The following RB1CC1 variants were observed in gnomAD, a reference collection of about 807,000 sequenced individuals.
RB1CC1 encodes RB1 inducible coiled-coil 1.
In RB1CC1, 46 loss-of-function variants were observed where a neutral mutation model predicts 177.5. That is an observed-to-expected ratio of 0.26 (90% CI 0.20 to 0.33). RB1CC1 has a LOEUF of 0.33. Among genes scored for constraint, RB1CC1 ranks in the 10% least tolerant of loss-of-function variants. The pLI is 1.00. For missense variants in RB1CC1, 1,703 were observed against 1,816.3 expected (o/e 0.94, Z 1.13); for synonymous variants, 666 against 613.6 (o/e 1.09, Z -1.26).
intron 1 of RB1CC1, among the ~76,000 whole-genome samples, chr8:52,698,768 G>A (rs1855724550): frequency 8.5e-6 from 1 of 117,754 alleles, no homozygotes; most frequent in South Asian, 3.0e-4. Flanking sequence ...GGAGTGAACT[G>A]CAACCTCCCC....
chr8:52,642,667 T>TA (rs1849685651), intron 17 of RB1CC1, 37 bp downstream of exon 17: 1 of 1,570,858 alleles, frequency 6.4e-7, no homozygotes, highest in Non-Finnish European at 8.6e-7. Context: ...TTTTCCACTT[T>TA]AAAAAATTAA....
chr8:52,657,101 C>A lies in RB1CC1; in HGVS notation c.2728G>T (p.Asp910Tyr). 6.2e-7 allele frequency: 1 copy of A among 1,610,446 alleles called. No individual in the cohort carries two copies. Among genetic ancestry groups the A allele is most frequent in the Non-Finnish European group, 8.5e-7 (1 of 1,178,896 alleles). Reference protein sequence around the residue: ...VCLEEVLQNKDNEFALVKHEK... With the variant: ...VCLEEVLQNKYNEFALVKHEK... ...TGTTTAACCAAAGCAAATTCATTAT[C>A]TTTATTTTGTAAAACCTCCTCAAGG... The change falls in exon 15 of 24, where the codon GAT (aspartate) becomes TAT (tyrosine). Residue 910 changes from aspartate to tyrosine, a missense_variant. By Grantham distance (160) the Asp-to-Tyr change is radical. Coordinates refer to ENST00000025008, the MANE Select transcript of RB1CC1 (RefSeq NM_014781.5).
chr8:52,650,894 T>G (rs1478746394), intron 15 of RB1CC1, among the ~76,000 whole-genome samples: 1 of 152,200 alleles, frequency 6.6e-6, no homozygotes, highest in East Asian at 1.9e-4. Flanking sequence ...CTACCTTGTC[T>G]GAGGAAATCA....
Position 52,699,856 on chromosome 8 carries a change from TATAC to T in RB1CC1, c.-166-12893_-166-12890del, listed in dbSNP as rs1241258803. On this transcript the variant is annotated intron_variant, in intron 1 of 23. Transcript: ENST00000025008. Reference sequence around the variant, plus strand: ...ATATATATATATATATATATATATATATACACACAAAAACAAAAGAAAGCTTATA... The same window carrying T: ...ATATATATATATATATATATATATATACACAAAAACAAAAGAAAGCTTATA... Among the ~76,000 whole-genome samples the T allele has an allele frequency of 3.5e-5, 3 of 86,942 alleles. 1 individual carries two copies. The highest frequency in any genetic ancestry group is 0.013 in the Middle Eastern group (2 of 152). The allele number at this position is 86,942 out of a possible 152,430, so 57.0% of individuals were successfully genotyped here.
At chr8:52,630,303 C>A (rs1025144881) in intron 21 of RB1CC1, among the ~76,000 whole-genome samples, 167 bp downstream of exon 21, 2 of 152,036 alleles carry the variant, frequency 1.3e-5, no homozygotes, top group Non-Finnish European at 1.5e-5. Context: ...TCCAGAATAA[C>A]AATTTAGAAA....
At chr8:52,678,468 C>G (rs917590013) in intron 5 of RB1CC1, among the ~76,000 whole-genome samples, 2 of 151,952 alleles carry the variant, frequency 1.3e-5, no homozygotes, top group African/African-American at 4.8e-5. Context: ...TTTGGGGAGG[C>G]TAAGGTCAGT....
chr8:52,677,540 A>C lies in RB1CC1; in HGVS notation c.370-969T>G, dbSNP rs369780050. On this transcript the variant is annotated intron_variant, in intron 5 of 23. Coordinates refer to ENST00000025008, the MANE Select transcript of RB1CC1 (RefSeq NM_014781.5). ...ACTCTTTAACATGAAGAATGTAATC[A>C]AATAGAAGCTTTAAGAAGACTGATA... Among the ~76,000 whole-genome samples, 8 of 152,328 alleles carry C rather than the reference A, an allele frequency of 5.3e-5. No individual in the cohort carries two copies. In the South Asian group the frequency reaches 8.3e-4, roughly 16 times the overall value.
intron 5 of RB1CC1, among the ~76,000 whole-genome samples, chr8:52,680,133 ATTTAGT>A (rs1350066151): frequency 1.7e-4 from 26 of 152,278 alleles, no homozygotes; most frequent in East Asian, 7.7e-4. Flanking sequence ...AATTACCCTA[ATTTAGT>A]GTAGAAAAAA....
chr8:52,655,967 A>T (rs201767802), intron 15 of RB1CC1, 41 bp downstream of exon 15: 2 of 1,433,048 alleles, frequency 1.4e-6, no homozygotes, highest in South Asian at 1.3e-5. Context: ...CGAATCACTG[A>T]TATTTTAATT....
Position 52,658,985 on chromosome 8 carries a change from A to C in RB1CC1, c.1690-9T>G. On this transcript the variant is annotated splice_polypyrimidine_tract_variant and intron_variant, in intron 12 of 23. Coordinates refer to ENST00000025008, the MANE Select transcript of RB1CC1 (RefSeq NM_014781.5). ...TTTCGAGGCTTTTGAGTCTGTACCA[A>C]AAAAATTAATTACTTAAAAAATTTT... is the stretch of plus-strand genomic sequence containing the variant. 1 of 1,459,744 alleles carries C rather than the reference A, an allele frequency of 6.9e-7. No individual in the cohort carries two copies. Among genetic ancestry groups the C allele is most frequent in the Non-Finnish European group, 9.1e-7 (1 of 1,097,002 alleles). The allele number at this position is 1,459,744 out of a possible 1,614,324, so 90.4% of individuals were successfully genotyped here.
intron 1 of RB1CC1, among the ~76,000 whole-genome samples, chr8:52,702,792 C>A (rs1158763459): frequency 2.0e-5 from 3 of 151,908 alleles, no homozygotes; most frequent in African/African-American, 7.3e-5. Flanking sequence ...TCTAAATTTC[C>A]ATTCTCTAAT....
intron 1 of RB1CC1, among the ~76,000 whole-genome samples, chr8:52,692,341 C>A (rs771508465): frequency 1.4e-4 from 22 of 151,768 alleles, no homozygotes; most frequent in African/African-American, 2.7e-4. Context: ...TACAAAAAAT[C>A]TTTTTTTTAA....
intron 15 of RB1CC1, among the ~76,000 whole-genome samples, chr8:52,649,196 A>G (rs952763292): frequency 2.6e-5 from 4 of 152,228 alleles, no homozygotes; most frequent in Non-Finnish European, 4.4e-5. Context: ...AAATTCATCA[A>G]TAAAGGTTGT....
chr8:52,666,317 G>A (rs1174083484), intron 8 of RB1CC1, among the ~76,000 whole-genome samples: 1 of 152,028 alleles, frequency 6.6e-6, no homozygotes, highest in Non-Finnish European at 1.5e-5. Context: ...TTAGGAATTT[G>A]AGACCAGCCT....
At position 52,680,732 on chromosome 8, in the gene RB1CC1, C is replaced by T. The variant is rs142740332; in HGVS notation, c.369+2817G>A. Among the ~76,000 whole-genome samples, 94 of 152,230 alleles carry T rather than the reference C, an allele frequency of 6.2e-4. 2 individuals carry two copies. The East Asian group carries it at 0.018, about 28-fold the overall frequency. On this transcript the variant is annotated intron_variant, in intron 5 of 23. Coordinates refer to ENST00000025008, the MANE Select transcript of RB1CC1 (RefSeq NM_014781.5). ...ACAATGCAGCAAAGAATACAAACCA[C>T]GGATACATGCAACAGCATGAATCAT...
intron 8 of RB1CC1, among the ~76,000 whole-genome samples, chr8:52,665,495 G>A (rs1368163889): frequency 3.3e-5 from 5 of 152,158 alleles, no homozygotes; most frequent in South Asian, 2.1e-4. Flanking sequence ...AAAAATGGGT[G>A]TATTGAGATA....
At position 52,622,866 on chromosome 8, in the gene RB1CC1, C is replaced by A. The variant is rs1238218004; in HGVS notation, c.*916G>T. The stretch of plus-strand genomic sequence containing the variant: ...CACTCAAATATATTAAAAATGTATC[C>A]TTCTTTAAAAGGCACACACATTTAC... On this transcript the variant is annotated 3_prime_UTR_variant, in exon 24 of 24. Coordinates refer to ENST00000025008, the MANE Select transcript of RB1CC1 (RefSeq NM_014781.5). The A allele has an allele frequency of 2.0e-5, 3 of 151,942 alleles. No individual in the cohort carries two copies. Among genetic ancestry groups the A allele is most frequent in the Non-Finnish European group, 4.4e-5 (3 of 67,572 alleles). The allele number at this position is 151,942 out of a possible 1,614,324, so 9.4% of individuals were successfully genotyped here.
rs1344858031 is a variant in RB1CC1, at chr8:52,656,097, A to C, written c.3732T>G (p.Thr1244=). The change falls in exon 15 of 24, where the codon ACT becomes ACG. Residue 1244 remains threonine (T), a synonymous_variant. Transcript: ENST00000025008. Reference sequence around the variant, plus strand: ...TCTCCAATTTAAATTCTTTTAGGGCAGTCTGAATAGCTTCATCTTTTTCAC... The same window carrying C: ...TCTCCAATTTAAATTCTTTTAGGGCCGTCTGAATAGCTTCATCTTTTTCAC... ...LNCEKDEAIQ[T]ALKEFKLERE... 6.2e-7 allele frequency: 1 copy of C among 1,613,666 alleles called. No homozygotes were observed. The highest frequency in any genetic ancestry group is 8.5e-7 in the Non-Finnish European group (1 of 1,179,838).
Position 52,642,604 on chromosome 8 carries a change from C to A in RB1CC1, c.4097-13G>T, listed in dbSNP as rs200977036. 1.2e-6 allele frequency: 2 copies of A among 1,607,438 alleles called. No homozygotes were observed. The highest frequency in any genetic ancestry group is 2.7e-5 in the African/African-American group (2 of 74,452). On this transcript the variant is annotated splice_polypyrimidine_tract_variant and intron_variant, in intron 17 of 23. Transcript: ENST00000025008. ...GACTCTATCAAATCTGAAGGACACC[C>A]AAATTTAAAAAAGTATCATGTAATT...
Sources: allele counts gnomAD v4.1 joint callset (sites outside exome capture counted in the v4.1 genomes callset), GRCh38; gene constraint gnomAD v4.1.1; transcripts MANE v1.5; gene names NCBI Gene and HGNC (gene_info 2026-07-23, HGNC 2026-07-21).